TTC28: variants seen among roughly 807,000 people sequenced by gnomAD.
TTC28 encodes the protein tetratricopeptide repeat domain 28.
TTC28 carries 61 observed loss-of-function variants against 198.0 expected under a neutral mutation model. The ratio of observed to expected loss-of-function variants is 0.31; its 90% CI spans 0.25 to 0.38. The LOEUF (loss-of-function observed/expected upper bound fraction) is 0.38. TTC28 is among the 10% of genes least tolerant of loss of function. TTC28 has a pLI of 1.00. For synonymous variants in TTC28, 1,171 were observed against 1,297.8 expected (o/e 0.90, Z 2.10); for missense variants, 2,678 against 3,164.0 (o/e 0.85, Z 3.69).
chr22:28,021,744 G>C (rs1046547586), intron 13 of TTC28, among the ~76,000 whole-genome samples: 5 of 152,272 alleles, frequency 3.3e-5, no homozygotes, highest in Non-Finnish European at 5.9e-5. Flanking sequence ...CCGCCCTCCT[G>C]CTCCTCTGGG....
intron 2 of TTC28, among the ~76,000 whole-genome samples, chr22:28,538,490 G>T (rs2049341675): frequency 6.6e-6 from 1 of 151,644 alleles, no homozygotes; most frequent in Non-Finnish European, 1.5e-5. Flanking sequence ...AAACCAGATT[G>T]CTGAAAGTTG....
intron 6 of TTC28, among the ~76,000 whole-genome samples, chr22:28,151,369 C>A (rs1452442855): frequency 6.6e-6 from 1 of 152,214 alleles, no homozygotes; most frequent in Non-Finnish European, 1.5e-5. Flanking sequence ...TGGGACCTGG[C>A]AGCGAGCAGC....
intron 2 of TTC28, among the ~76,000 whole-genome samples, chr22:28,488,871 T>C (rs966181460): frequency 1.2e-4 from 18 of 152,090 alleles, no homozygotes; most frequent in African/African-American, 4.1e-4. Flanking sequence ...CACTAAACCA[T>C]GTAAGGAAAC....
intron 2 of TTC28, among the ~76,000 whole-genome samples, chr22:28,381,978 T>C (rs1286864215): frequency 6.6e-6 from 1 of 152,130 alleles, no homozygotes; most frequent in Non-Finnish European, 1.5e-5. Context: ...CCTCGGCAAA[T>C]AGGCTAAAGG....
intron 2 of TTC28, among the ~76,000 whole-genome samples, chr22:28,375,652 C>A (rs559769438): frequency 2.6e-5 from 4 of 152,136 alleles, no homozygotes; most frequent in African/African-American, 9.7e-5. Flanking sequence ...GACAAGATTA[C>A]GGAATACCTA....
intron 3 of TTC28, among the ~76,000 whole-genome samples, chr22:28,302,378 C>A (rs538677635): frequency 2.4e-4 from 36 of 152,188 alleles, no homozygotes; most frequent in African/African-American, 8.7e-4. Context: ...CACACCACTA[C>A]GCCTGCCCTA....
At chr22:28,072,292 T>G (rs956560705) in intron 12 of TTC28, among the ~76,000 whole-genome samples, 2 of 152,188 alleles carry the variant, frequency 1.3e-5, no homozygotes, top group Non-Finnish European at 2.9e-5. Flanking sequence ...GTTTGTTCTC[T>G]CACACCCTTG....
intron 12 of TTC28, among the ~76,000 whole-genome samples, chr22:28,077,422 C>G (rs1569123948): frequency 6.6e-6 from 1 of 152,210 alleles, no homozygotes; most frequent in East Asian, 1.9e-4. Flanking sequence ...TCCTAAAGTG[C>G]TAGGATTACA....
chr22:28,603,860 C>G (rs2050682047), intron 2 of TTC28, among the ~76,000 whole-genome samples: 1 of 152,074 alleles, frequency 6.6e-6, no homozygotes, highest in Admixed American at 6.6e-5. Context: ...TCAAGTGTTG[C>G]TATAACAAAA....
chr22:28,366,708 A>G (rs942373562), intron 2 of TTC28, among the ~76,000 whole-genome samples: 8 of 152,154 alleles, frequency 5.3e-5, no homozygotes, highest in Non-Finnish European at 7.4e-5. Context: ...CAGTTCACCT[A>G]TAAAGATACA....
At position 28,146,248 on chromosome 22, in the gene TTC28, A is replaced by G. The variant is rs921818047; in HGVS notation, c.1441+16844T>C. Among the ~76,000 whole-genome samples the G allele has an allele frequency of 3.3e-5, 5 of 152,342 alleles. No individual in the cohort carries two copies. The East Asian group carries it at 5.8e-4, about 18-fold the overall frequency. On this transcript the variant is annotated intron_variant, in intron 6 of 22. Coordinates refer to ENST00000397906, the MANE Select transcript of TTC28 (RefSeq NM_001145418.2). ...ATCCAGTAGTTTCTCTGCTACAAGA[A>G]GAAGGGAAAAGAACAGTCCAATAGG...
At chr22:28,209,623 A>G (rs1338558380) in intron 5 of TTC28, among the ~76,000 whole-genome samples, 1 of 152,180 alleles carries the variant, frequency 6.6e-6, no homozygotes, top group Non-Finnish European at 1.5e-5. Flanking sequence ...TTGAGTAGGT[A>G]AACAAAGCTG....
chr22:28,104,339 A>G (rs994801117), intron 8 of TTC28, among the ~76,000 whole-genome samples: 4 of 152,186 alleles, frequency 2.6e-5, no homozygotes, highest in African/African-American at 9.7e-5. Context: ...AGGTGATTCA[A>G]CTGCAAAAAT....
chr22:28,422,470 G>A lies in TTC28; in HGVS notation c.382-115827C>T, dbSNP rs919585259. Among the ~76,000 whole-genome samples, 7 of 149,334 alleles carry A rather than the reference G, an allele frequency of 4.7e-5. No individual in the cohort carries two copies. The South Asian group carries it at 6.3e-4, about 14-fold the overall frequency. On this transcript the variant is annotated intron_variant, in intron 2 of 22. Coordinates refer to ENST00000397906, the MANE Select transcript of TTC28 (RefSeq NM_001145418.2). ...TTTTTTTTTTTTGAGACGGAGTCTCGCTCTGTCGCCAAGGCTGGAGTGCAG... is the reference window on the plus strand; with the variant it reads ...TTTTTTTTTTTTGAGACGGAGTCTCACTCTGTCGCCAAGGCTGGAGTGCAG...
chr22:28,297,716 T>G lies in TTC28; in HGVS notation c.666A>C (p.Ala222=). The G allele has an allele frequency of 1.3e-6, 2 of 1,551,628 alleles. No individual in the cohort carries two copies. The change falls in exon 4 of 23, where the codon GCA becomes GCC. Residue 222 remains alanine, a synonymous_variant. Transcript: ENST00000397906. ...TGAGGCTGCAGGTGCCAATCTTCAG[T>G]GCGGCTTCTAAGACAACCACAGAGG... ...HGASVVVLEA[A]LKIGTCSLKL...
intron 2 of TTC28, among the ~76,000 whole-genome samples, chr22:28,478,567 A>G (rs554431737): frequency 1.4e-5 from 2 of 147,992 alleles, no homozygotes; most frequent in East Asian, 4.3e-4. Flanking sequence ...AAATATTTTT[A>G]GATAAAATAC....
At chr22:28,400,012 T>C (rs2046879272) in intron 2 of TTC28, among the ~76,000 whole-genome samples, 1 of 152,260 alleles carries the variant, frequency 6.6e-6, no homozygotes, top group Admixed American at 6.5e-5. Flanking sequence ...ACTGTATGTA[T>C]ATCCTACTAG....
intron 12 of TTC28, among the ~76,000 whole-genome samples, chr22:28,036,622 A>G (rs1175357712): frequency 6.6e-6 from 1 of 152,230 alleles, no homozygotes; most frequent in Non-Finnish European, 1.5e-5. Flanking sequence ...GAGAAGCAAG[A>G]GCAAACACGT....
chr22:28,572,841 G>C (rs1236901081), intron 2 of TTC28, among the ~76,000 whole-genome samples: 3 of 152,084 alleles, frequency 2.0e-5, no homozygotes, highest in African/African-American at 7.2e-5. Flanking sequence ...GTACAGTTAT[G>C]TAATGCTTCA....
Sources: gnomAD v4.1 joint callset for allele counts (sites outside exome capture counted in the v4.1 genomes callset) on GRCh38, gnomAD v4.1.1 for gene constraint, MANE v1.5 for transcripts, NCBI Gene and HGNC (gene_info 2026-07-23, HGNC 2026-07-21) for gene names.